The following JTB variants were observed in gnomAD, a reference collection of about 807,000 sequenced individuals.
JTB encodes the protein protein JTB.
JTB carries 10 observed loss-of-function variants against 22.1 expected under a neutral mutation model. The ratio of observed to expected loss-of-function variants is 0.45; its 90% confidence interval spans 0.28 to 0.77. The LOEUF (loss-of-function observed/expected upper bound fraction) is 0.77, where lower values mean the gene tolerates loss of function less well. Among genes scored for constraint, JTB ranks in the 30% least tolerant of loss-of-function variants. The pLI, the probability that JTB is intolerant of heterozygous loss-of-function variation, is 0.13. For synonymous variants in JTB, 83 were observed against 66.8 expected (o/e 1.24, Z -1.18); for missense variants, 137 against 180.3 (o/e 0.76, Z 1.38).
chr1:153,975,760 T>C, intron 4 of JTB, 66 bp downstream of exon 4: 1 of 1,273,802 alleles, frequency 7.9e-7, no homozygotes. Context: ...GGGGAAAAGG[T>C]GGGACCATCC....
At position 153,974,645 on chromosome 1, in the gene JTB, T is replaced by A. The variant is rs1252150452; in HGVS notation, c.*34A>T. The A allele has an allele frequency of 2.5e-6, 4 of 1,577,778 alleles. No homozygotes were observed. The highest frequency in any genetic ancestry group is 2.6e-6 in the Non-Finnish European group (3 of 1,150,586). On this transcript the variant is annotated 3_prime_UTR_variant, in exon 5 of 5. Transcript: ENST00000271843. ...TTCACTTTCACTGTCTGAGATAGGG[T>A]CTCTAAGACCCAGGATACAAGGGTG...
rs543712013 is a variant in JTB at position 153,977,618 on chromosome 1, G to C, written c.-366C>G. The stretch of plus-strand genomic sequence containing the variant: ...GGCGCGGGACCGAGCTCGGGGCCCG[G>C]TGTTCCCGGGGGCGTTCGGTCGTCG... On this transcript the variant is annotated 5_prime_UTR_variant, in exon 1 of 5. Coordinates refer to ENST00000271843, the MANE Select transcript of JTB (RefSeq NM_006694.4). The C allele has an allele frequency of 4.8e-5, 49 of 1,023,046 alleles. No individual in the cohort carries two copies. The highest frequency in any genetic ancestry group is 5.4e-5 in the Non-Finnish European group (46 of 853,536). 63.4% of individuals were successfully genotyped at this position (1,023,046 alleles called of 1,614,324 possible). A position where few individuals can be genotyped will look rare whatever the true frequency, so the allele number is the denominator to read the frequency against.
Position 153,975,844 on chromosome 1 carries a change from T to G in JTB, c.266A>C (p.Lys89Thr). The G allele has an allele frequency of 6.2e-7, 1 of 1,613,958 alleles. No individual in the cohort carries two copies. ...YVEKITCSSS[K>T]RNEFKSCRSA... ...CACTCACCTTTTGAACTCATTTCTC[T>G]TAGATGAGCTGCATGTGATTTTCTC... The change falls in exon 4 of 5, where the codon AAG becomes ACG. Residue 89 changes from lysine to threonine, a missense_variant. Physicochemically the swap from Lys to Thr is moderately conservative, Grantham distance 78. Coordinates refer to ENST00000271843, the MANE Select transcript of JTB (RefSeq NM_006694.4).
At position 153,974,780 on chromosome 1, in the gene JTB, C is replaced by T. The variant is rs147864355; in HGVS notation, c.340G>A (p.Val114Met). Residue 114 changes from valine to methionine, a missense_variant, in exon 5 of 5, where the codon GTG (valine) becomes ATG (methionine). Coordinates refer to ENST00000271843, the MANE Select transcript of JTB (RefSeq NM_006694.4). ...RLFWKFEGAV[V>M]CVALIFACLV... ...CAAGCGAAGATCAGGGCCACACACA[C>T]GACAGCCCCTTCGAACTTCCAAAAT... 4.2e-5 allele frequency: 68 copies of T among 1,612,666 alleles called. No homozygotes were observed. The highest frequency in any genetic ancestry group is 2.1e-4 in the African/African-American group (16 of 74,898).
In JTB at chr1:153,977,622, TC is replaced by T; in HGVS notation, c.-371del. 1 of 1,014,680 alleles carries T rather than the reference TC, an allele frequency of 9.9e-7. No homozygotes were observed. The allele number at this position is 1,014,680 out of a possible 1,614,324, so 62.9% of individuals were successfully genotyped here. On this transcript the variant is annotated 5_prime_UTR_variant, in exon 1 of 5. Transcript: ENST00000271843. ...CGGGACCGAGCTCGGGGCCCGGTGT[TC>T]CCGGGGGCGTTCGGTCGTCGCCCGC... is the stretch of plus-strand genomic sequence containing the variant.
chr1:153,975,779 T>C, intron 4 of JTB, 47 bp downstream of exon 4: 1 of 1,461,576 alleles, frequency 6.8e-7, no homozygotes, highest in South Asian at 1.1e-5. Flanking sequence ...CCATCTAAAG[T>C]CATAGGAGCA....
intron 4 of JTB, 112 bp from the exon 5 acceptor site, chr1:153,974,947 G>C: frequency 9.6e-7 from 1 of 1,038,898 alleles, no homozygotes; most frequent in Non-Finnish European, 1.4e-6. Context: ...TCAGAGCCAG[G>C]CTTCTATTGT....
intron 4 of JTB, 49 bp from the exon 5 acceptor site, chr1:153,974,884 T>G: frequency 6.4e-7 from 1 of 1,571,000 alleles, no homozygotes; most frequent in Non-Finnish European, 8.7e-7. Flanking sequence ...AGACAGCTTC[T>G]CCCTCTAATT....
rs1648804506 is a variant in JTB at position 153,976,661 on chromosome 1, A to G, written c.204+32T>C. On this transcript the variant is annotated intron_variant, in intron 3 of 4. Transcript: ENST00000271843. ...GCTTAAGTGTTTGCTTAGATGTTTA[A>G]AAAAAAAAAGGGTAGAGAAATAGAT... is the stretch of plus-strand genomic sequence containing the variant. 5.3e-6 allele frequency: 8 copies of G among 1,503,328 alleles called. No individual in the cohort carries two copies. The South Asian group carries it at 9.7e-5, about 18-fold the overall frequency. 93.1% of individuals were successfully genotyped at this position (1,503,328 alleles called of 1,614,324 possible).
rs367803984 is a variant in JTB, at chr1:153,977,018, A to G, written c.84-5T>C. On this transcript the variant is annotated splice_polypyrimidine_tract_variant and splice_region_variant and intron_variant, in intron 1 of 4. Coordinates refer to ENST00000271843, the MANE Select transcript of JTB (RefSeq NM_006694.4). ...TGCACGGGAGCCTCTGCTTGGCTGT[A>G]GCGGAGTTGGGGGAAGGGACAAAAG... 6 of 1,614,024 alleles carry G rather than the reference A, an allele frequency of 3.7e-6. No individual in the cohort carries two copies. Among genetic ancestry groups the G allele is most frequent in the East Asian group, 2.2e-5 (1 of 44,886 alleles).
At chr1:153,976,850 C>T (rs2102184764) in intron 2 of JTB, 75 bp from the exon 3 acceptor site, 3 of 1,593,860 alleles carry the variant, frequency 1.9e-6, no homozygotes, top group East Asian at 2.2e-5. Flanking sequence ...TCCAACTTCC[C>T]GGCACAGCGC....
At position 153,977,619 on chromosome 1, in the gene JTB, T is replaced by C. The variant is rs2102185682; in HGVS notation, c.-367A>G. 1 of 1,022,156 alleles carries C rather than the reference T, an allele frequency of 9.8e-7. No individual in the cohort carries two copies. 63.3% of individuals were successfully genotyped at this position (1,022,156 alleles called of 1,614,324 possible). A position where few individuals can be genotyped will look rare whatever the true frequency, so the allele number is the denominator to read the frequency against. On this transcript the variant is annotated 5_prime_UTR_variant, in exon 1 of 5. Coordinates refer to ENST00000271843, the MANE Select transcript of JTB (RefSeq NM_006694.4). ...GCGCGGGACCGAGCTCGGGGCCCGG[T>C]GTTCCCGGGGGCGTTCGGTCGTCGC... is the stretch of plus-strand genomic sequence containing the variant.
rs1325205434 is a variant in JTB, at chr1:153,974,437, T to C, written c.*242A>G. 4 of 427,808 alleles carry C rather than the reference T, an allele frequency of 9.3e-6. No homozygotes were observed. The highest frequency in any genetic ancestry group is 1.7e-5 in the Non-Finnish European group (4 of 239,024). 26.5% of individuals were successfully genotyped at this position (427,808 alleles called of 1,614,324 possible). On this transcript the variant is annotated 3_prime_UTR_variant, in exon 5 of 5. Coordinates refer to ENST00000271843, the MANE Select transcript of JTB (RefSeq NM_006694.4). ...AAGTGGTGGGGAAGACTTGGTAGATTGGGGCCTTAAGTAACCACCTCCTTT... is the reference window on the plus strand; with the variant it reads ...AAGTGGTGGGGAAGACTTGGTAGATCGGGGCCTTAAGTAACCACCTCCTTT...
Position 153,974,841 on chromosome 1 carries a change from G to C in JTB, c.285-6C>G. On this transcript the variant is annotated splice_polypyrimidine_tract_variant and splice_region_variant and intron_variant, in intron 4 of 4. Coordinates refer to ENST00000271843, the MANE Select transcript of JTB (RefSeq NM_006694.4). ...CCATCAAAGCTGAGCGGCAGCTGAGGGCAGGAAGGAATAGTTATTCCCAAG... is the reference window on the plus strand; with the variant it reads ...CCATCAAAGCTGAGCGGCAGCTGAGCGCAGGAAGGAATAGTTATTCCCAAG... 6.2e-7 allele frequency: 1 copy of C among 1,600,508 alleles called. No homozygotes were observed. Among genetic ancestry groups the C allele is most frequent in the Non-Finnish European group, 8.6e-7 (1 of 1,168,848 alleles).
At chr1:153,975,698 G>T in intron 4 of JTB, 128 bp downstream of exon 4, 1 of 743,026 alleles carries the variant, frequency 1.3e-6, no homozygotes, top group Non-Finnish European at 2.3e-6. Context: ...GGGATTATAG[G>T]TGTGAGCCCG....
Position 153,977,348 on chromosome 1 carries a change from C to A in JTB, c.-96G>T. The stretch of plus-strand genomic sequence containing the variant: ...CAGAGGCGGCACTTACTCTGCAGCC[C>A]TCCCAGAGGTTCCAGGTCAGGGCAG... On this transcript the variant is annotated 5_prime_UTR_variant, in exon 1 of 5. In the 5' UTR this introduces an upstream ATG that the reference lacks. Coordinates refer to ENST00000271843, the MANE Select transcript of JTB (RefSeq NM_006694.4). 1 of 1,539,110 alleles carries A rather than the reference C, an allele frequency of 6.5e-7. No individual in the cohort carries two copies. Among genetic ancestry groups the A allele is most frequent in the East Asian group, 2.3e-5 (1 of 43,710 alleles).
chr1:153,976,665 A>C (rs1648804680), intron 3 of JTB, 28 bp downstream of exon 3: 1 of 1,575,608 alleles, frequency 6.3e-7, no homozygotes, highest in Non-Finnish European at 8.6e-7. Flanking sequence ...TGTTTAAAAA[A>C]AAAAAGGGTA....
chr1:153,975,384 G>A (rs1289552119), intron 4 of JTB, among the ~76,000 whole-genome samples: 4 of 148,744 alleles, frequency 2.7e-5, no homozygotes, highest in Non-Finnish European at 5.9e-5. Flanking sequence ...CTCCCAAAGT[G>A]CTGGGATTAC....
At chr1:153,977,066 C>A (rs1648816548) in intron 1 of JTB, 53 bp from the exon 2 acceptor site, 1 of 1,613,936 alleles carries the variant, frequency 6.2e-7, no homozygotes, top group African/African-American at 1.3e-5. Flanking sequence ...AAATAGGGCA[C>A]CCCCTCCTGC....
Sources: allele counts gnomAD v4.1 joint callset (sites outside exome capture counted in the v4.1 genomes callset), GRCh38; gene constraint gnomAD v4.1.1; transcripts MANE v1.5; gene names NCBI Gene and HGNC (gene_info 2026-07-23, HGNC 2026-07-21).